PTPRN: variants seen among roughly 807,000 people sequenced by gnomAD.
The protein encoded by PTPRN is protein tyrosine phosphatase receptor type N.
Under a neutral mutation model 108.5 loss-of-function variants are expected in PTPRN, and 70 were observed. The ratio of observed to expected loss-of-function variants is 0.65; its 90% CI spans 0.53 to 0.79. The LOEUF (loss-of-function observed/expected upper bound fraction) is 0.79. PTPRN is among the 30% of genes least tolerant of loss of function. PTPRN has a pLI of 0.00. For synonymous variants in PTPRN, 496 were observed against 524.6 expected (o/e 0.95, Z 0.75); for missense variants, 1,136 against 1,295.5 (o/e 0.88, Z 1.89).
At position 219,290,235 on chromosome 2, in the gene PTPRN, C is replaced by T; in HGVS notation, c.2931G>A (p.Leu977=). The T allele has an allele frequency of 6.2e-7, 1 of 1,614,038 alleles. No homozygotes were observed. Among genetic ancestry groups the T allele is most frequent in the Non-Finnish European group, 8.5e-7 (1 of 1,179,934 alleles). ...AEEVNAILKA[L]PQ ...AAGGGGCCCCAGGGTCTCACTGGGG[C>T]AGGGCCTTGAGGATGGCATTCACTT... Residue 977 remains leucine (L), a synonymous_variant, in exon 23 of 23, where the codon CTG becomes CTA. Coordinates refer to ENST00000295718, the MANE Select transcript of PTPRN (RefSeq NM_002846.4). The surrounding 1 kb of genome is among the most constrained non-coding windows in gnomAD (Gnocchi z 4.2).
Position 219,309,344 on chromosome 2 carries a change from C to T in PTPRN, c.-12G>A. On this transcript the variant is annotated 5_prime_UTR_variant, in exon 1 of 23. Transcript: ENST00000295718. ...CGCGGGCGCCGCATCTTTCCGAGCT[C>T]CGGGCGCTCGCTCCCGGGCCGGAGC... 1 of 1,385,874 alleles carries T rather than the reference C, an allele frequency of 7.2e-7. No individual in the cohort carries two copies. The highest frequency in any genetic ancestry group is 9.5e-7 in the Non-Finnish European group (1 of 1,050,108). The allele number at this position is 1,385,874 out of a possible 1,614,324, so 85.8% of individuals were successfully genotyped here. A position where few individuals can be genotyped will look rare whatever the true frequency, so the allele number is the denominator to read the frequency against.
In PTPRN at chr2:219,309,377, A is replaced by ACGCTGG; in HGVS notation, c.-51_-46dup. 1 of 1,080,212 alleles carries ACGCTGG rather than the reference A, an allele frequency of 9.3e-7. No individual in the cohort carries two copies. The highest frequency in any genetic ancestry group is 1.3e-6 in the Non-Finnish European group (1 of 797,976). The allele number at this position is 1,080,212 out of a possible 1,614,324, so 66.9% of individuals were successfully genotyped here. A position where few individuals can be genotyped will look rare whatever the true frequency, so the allele number is the denominator to read the frequency against. ...TCGCTCCCGGGCCGGAGCCGCAGCGACGCTGGCGGGAGCCTGCCAGAGGGG... is the reference window on the plus strand; with the variant it reads ...TCGCTCCCGGGCCGGAGCCGCAGCGACGCTGGCGCTGGCGGGAGCCTGCCAGAGGGG... On this transcript the variant is annotated 5_prime_UTR_variant, in exon 1 of 23. Transcript: ENST00000295718.
At chr2:219,300,507 A>G (rs1952319277) in intron 8 of PTPRN, 5 of 489,894 alleles carry the variant, frequency 1.0e-5, no homozygotes, top group Admixed American at 7.6e-5. Flanking sequence ...GGAGACAGAA[A>G]ACCCCTGCAG....
intron 9 of PTPRN, 38 bp from the exon 10 acceptor site, chr2:219,299,824 A>C (rs200568620): frequency 6.3e-7 from 1 of 1,575,510 alleles, no homozygotes; most frequent in East Asian, 2.3e-5. Flanking sequence ...AAAGTGGGGC[A>C]ACCCTCTCAG....
Position 219,290,390 on chromosome 2 carries a change from G to T in PTPRN, c.2869-93C>A. On this transcript the variant is annotated intron_variant, in intron 22 of 22. Coordinates refer to ENST00000295718, the MANE Select transcript of PTPRN (RefSeq NM_002846.4). This position sits in a 1 kb window ranked among gnomAD's most constrained non-coding sequence, Gnocchi z 4.2. ...GCTTTTGGTGGGGGGAGGGCCCTGG[G>T]CAGGTCCCCTGGGAGGAAGGGAGCC... 7.0e-7 allele frequency: 1 copy of T among 1,419,874 alleles called. No individual in the cohort carries two copies. Among genetic ancestry groups the T allele is most frequent in the Admixed American group, 1.9e-5 (1 of 51,916 alleles). 88.0% of individuals were successfully genotyped at this position (1,419,874 alleles called of 1,614,324 possible). A position where few individuals can be genotyped will look rare whatever the true frequency, so the allele number is the denominator to read the frequency against.
chr2:219,307,935 A>G, intron 1 of PTPRN, 93 bp from the exon 2 acceptor site: 2 of 1,260,018 alleles, frequency 1.6e-6, no homozygotes, highest in South Asian at 2.4e-5. Context: ...AGCAGATGCA[A>G]TTTATTCTTT....
Position 219,302,494 on chromosome 2 carries a change from G to A in PTPRN, c.640-3C>T. On this transcript the variant is annotated splice_region_variant and splice_polypyrimidine_tract_variant and intron_variant, in intron 5 of 22. Coordinates refer to ENST00000295718, the MANE Select transcript of PTPRN (RefSeq NM_002846.4). The stretch of plus-strand genomic sequence containing the variant: ...CTGGAGCCATCACGGGAGCCAAACT[G>A]TGGAAAACCAGAGATCTGGGTAAGA... 1 of 1,613,878 alleles carries A rather than the reference G, an allele frequency of 6.2e-7. No homozygotes were observed. Among genetic ancestry groups the A allele is most frequent in the African/African-American group, 1.3e-5 (1 of 75,042 alleles).
intron 6 of PTPRN, 64 bp from the exon 7 acceptor site, chr2:219,301,783 G>A: frequency 2.0e-6 from 3 of 1,538,326 alleles, no homozygotes; most frequent in Non-Finnish European, 2.7e-6. Context: ...ATGCAGATGA[G>A]TGAGTGAGGG....
chr2:219,292,632 C>T (rs561349201), intron 19 of PTPRN: 48 of 152,254 alleles, frequency 3.2e-4, no homozygotes, highest in African/African-American at 1.0e-3. Context: ...CTAGAATTAA[C>T]GGAGCCCTTG....
At chr2:219,301,490 C>G (rs1046171791) in intron 7 of PTPRN, 98 bp downstream of exon 7, 2 of 1,457,316 alleles carry the variant, frequency 1.4e-6, no homozygotes, top group Non-Finnish European at 1.9e-6. Flanking sequence ...TGAAGCCTGA[C>G]TCTTCCTCTC....
intron 8 of PTPRN, 23 bp from the exon 9 acceptor site, chr2:219,300,282 G>A: frequency 6.5e-7 from 1 of 1,539,488 alleles, no homozygotes. Context: ...GGGTGGAGGT[G>A]TGGCCTCTGG....
chr2:219,296,414 C>T lies in PTPRN; in HGVS notation c.2388+25G>A, dbSNP rs569726853. ...GACCTCGTGGCCACAAGGACCCCAG[C>T]GAAGCCCTCCCTTTAAGAGCCCACC... On this transcript the variant is annotated intron_variant, in intron 17 of 22. Transcript: ENST00000295718. The surrounding 1 kb of genome is among the most constrained non-coding windows in gnomAD (Gnocchi z 6.0). 16 of 1,613,970 alleles carry T rather than the reference C, an allele frequency of 9.9e-6. No individual in the cohort carries two copies. Among genetic ancestry groups the T allele is most frequent in the Middle Eastern group, 1.6e-4 (1 of 6,084 alleles).
chr2:219,309,143 C>T lies in PTPRN; in HGVS notation c.115+75G>A, dbSNP rs994431772. On this transcript the variant is annotated intron_variant, in intron 1 of 22. Coordinates refer to ENST00000295718, the MANE Select transcript of PTPRN (RefSeq NM_002846.4). ...GAGCTTCATGACATTTCACCCTCAC[C>T]CCCACCGAGTTTCGCTCCAGGCCCC... 4 of 1,452,680 alleles carry T rather than the reference C, an allele frequency of 2.8e-6. No individual in the cohort carries two copies. In the African/African-American group the frequency reaches 5.7e-5, roughly 21 times the overall value. 90.0% of individuals were successfully genotyped at this position (1,452,680 alleles called of 1,614,324 possible).
At chr2:219,299,449 A>G in intron 10 of PTPRN, 65 bp from the exon 11 acceptor site, 9 of 1,535,440 alleles carry the variant, frequency 5.9e-6, no homozygotes, top group Non-Finnish European at 7.2e-6. Context: ...AAAAGAGGCC[A>G]GCTCTGGCCC....
chr2:219,298,075 T>C lies in PTPRN; in HGVS notation c.1697A>G (p.Gln566Arg), dbSNP rs1210057870. ...CATGGGTGAGGTGCTGTGCGCAGTT[T>C]GGGGAAGGACTGCAGCTGCCTCCTC... ...QREEAAAVLP[Q>R]TAHSTSPMRS... The change falls in exon 13 of 23, where the codon CAA becomes CGA. Residue 566 changes from glutamine to arginine, a missense_variant. Physicochemically the swap from Gln to Arg is conservative, Grantham distance 43. Transcript: ENST00000295718. The C allele has an allele frequency of 1.9e-6, 3 of 1,613,704 alleles. No individual in the cohort carries two copies. The highest frequency in any genetic ancestry group is 2.2e-5 in the East Asian group (1 of 44,894).
chr2:219,302,119 T>A lies in PTPRN; in HGVS notation c.994+18A>T. ...AAAGCAGCCCTCACAGGGAGGTGGA[T>A]GCTGAGGACCTTGTTACCTGGCTGC... is the stretch of plus-strand genomic sequence containing the variant. On this transcript the variant is annotated intron_variant, in intron 6 of 22. Coordinates refer to ENST00000295718, the MANE Select transcript of PTPRN (RefSeq NM_002846.4). 1 of 1,550,548 alleles carries A rather than the reference T, an allele frequency of 6.4e-7. No individual in the cohort carries two copies. The highest frequency in any genetic ancestry group is 2.3e-5 in the East Asian group (1 of 44,184).
At position 219,297,256 on chromosome 2, in the gene PTPRN, T is replaced by C; in HGVS notation, c.2065A>G (p.Ile689Val). Reference sequence around the variant, plus strand: ...ACCAGAATCATGTGTCCCGTGGAGATGTCCATGTTGGCTTGGGCCGGCTCC... The same window carrying C: ...ACCAGAATCATGTGTCCCGTGGAGACGTCCATGTTGGCTTGGGCCGGCTCC... Reference protein sequence around the residue: ...CEEPAQANMDISTGHMILAYM... With the variant: ...CEEPAQANMDVSTGHMILAYM... The change falls in exon 14 of 23, where the codon ATC becomes GTC. Residue 689 changes from isoleucine to valine, a missense_variant. Transcript: ENST00000295718. The surrounding 1 kb of genome is among the most constrained non-coding windows in gnomAD (Gnocchi z 6.0). 1 of 1,614,104 alleles carries C rather than the reference T, an allele frequency of 6.2e-7. No individual in the cohort carries two copies. The highest frequency in any genetic ancestry group is 1.1e-5 in the South Asian group (1 of 91,070).
At chr2:219,294,855 C>G in intron 19 of PTPRN, 120 bp downstream of exon 19, 2 of 1,036,174 alleles carry the variant, frequency 1.9e-6, no homozygotes, top group Non-Finnish European at 1.3e-6. Flanking sequence ...CTGGAGCGGG[C>G]GGCCAGAAGT....
At chr2:219,305,115 T>C (rs1248094542) in intron 3 of PTPRN, among the ~76,000 whole-genome samples, 1 of 152,172 alleles carries the variant, frequency 6.6e-6, no homozygotes, top group Non-Finnish European at 1.5e-5. Context: ...TGGTCACTCC[T>C]CCTCCTTGAT....
Sources: allele counts gnomAD v4.1 joint callset (sites outside exome capture counted in the v4.1 genomes callset), GRCh38; gene constraint gnomAD v4.1.1; non-coding constraint Gnocchi (gnomAD v3.1); transcripts MANE v1.5; gene names NCBI Gene and HGNC (gene_info 2026-07-23, HGNC 2026-07-21).